CCT4: variants seen among roughly 807,000 people sequenced by gnomAD.
The protein encoded by CCT4 is T-complex protein 1 subunit delta.
In CCT4, 17 loss-of-function variants were observed where a neutral mutation model predicts 62.5. The observed-to-expected ratio is 0.27, with a 90% confidence interval of 0.19 to 0.41. CCT4 has a LOEUF of 0.41. Among genes scored for constraint, CCT4 ranks in the 10% least tolerant of loss-of-function variants. CCT4 has a pLI of 1.00. For missense variants in CCT4, 592 were observed against 659.2 expected (o/e 0.90, Z 1.12); for synonymous variants, 250 against 229.9 (o/e 1.09, Z -0.79).
intron 13 of CCT4, 97 bp downstream of exon 13, chr2:61,869,343 C>A (rs1668837155): frequency 1.4e-6 from 1 of 690,132 alleles, no homozygotes; most frequent in Non-Finnish European, 2.6e-6. Flanking sequence ...CTCAAAAAAA[C>A]CAACCAACCA....
chr2:61,873,014 G>T lies in CCT4; in HGVS notation c.1113C>A (p.Gly371=). Reference sequence around the variant, plus strand: ...GTAATACTGTTACCTTGAGCAGTTTGCCAGAACCATTTAAATTGACCTCCT... The same window carrying T: ...GTAATACTGTTACCTTGAGCAGTTTTCCAGAACCATTTAAATTGACCTCCT... ...LAEEVNLNGS[G]KLLKITGCAS... is the part of the protein sequence containing the mutation. The change falls in exon 10 of 14, where the codon GGC becomes GGA. Residue 371 remains glycine (G), a synonymous_variant. Transcript: ENST00000394440. 6.3e-7 allele frequency: 1 copy of T among 1,594,184 alleles called. No homozygotes were observed. The highest frequency in any genetic ancestry group is 1.1e-5 in the South Asian group (1 of 90,644).
intron 4 of CCT4, among the ~76,000 whole-genome samples, chr2:61,879,816 C>A (rs1669075088): frequency 5.3e-5 from 8 of 151,172 alleles, no homozygotes; most frequent in Admixed American, 4.6e-4. Flanking sequence ...GATCTTGGCT[C>A]ACTGCAACCT....
At position 61,872,260 on chromosome 2, in the gene CCT4, T is replaced by G; in HGVS notation, c.1313A>C (p.Glu438Ala). 2 of 1,613,164 alleles carry G rather than the reference T, an allele frequency of 1.2e-6. No homozygotes were observed. The highest frequency in any genetic ancestry group is 2.2e-5 in the South Asian group (2 of 90,974). Residue 438 changes from glutamate to alanine, a missense_variant, in exon 12 of 14, where the codon GAA (glutamate) becomes GCA (alanine). By Grantham distance (107) the Glu-to-Ala change is moderately radical. Transcript: ENST00000394440. Reference protein sequence around the residue: ...PEIELALRLTEYSRTLSGMES... With the variant: ...PEIELALRLTAYSRTLSGMES... ...CATACCACTCAGTGTTCGTGAATATTCAGTTAATCGTAGGGCCAACTCTAT... is the reference window on the plus strand; with the variant it reads ...CATACCACTCAGTGTTCGTGAATATGCAGTTAATCGTAGGGCCAACTCTAT...
intron 1 of CCT4, among the ~76,000 whole-genome samples, chr2:61,886,326 C>T (rs1029868080): frequency 4.6e-5 from 7 of 152,224 alleles, no homozygotes; most frequent in Middle Eastern, 3.4e-3. Flanking sequence ...GCAGGAGAAC[C>T]GCTTGAACCC....
chr2:61,877,818 T>C (rs1029549690), intron 5 of CCT4, among the ~76,000 whole-genome samples: 1 of 152,218 alleles, frequency 6.6e-6, no homozygotes, highest in Admixed American at 6.5e-5. Flanking sequence ...GTGAGTATTT[T>C]CTATCTAAAA....
At chr2:61,883,664 T>G in intron 2 of CCT4, 116 bp from the exon 3 acceptor site, 2 of 637,474 alleles carry the variant, frequency 3.1e-6, no homozygotes, top group East Asian at 5.8e-5. Flanking sequence ...AATTTTAAAT[T>G]CTCTTCCCTT....
Position 61,887,245 on chromosome 2 carries a change from C to T in CCT4, c.127+1136G>A, listed in dbSNP as rs528838234. Among the ~76,000 whole-genome samples the T allele has an allele frequency of 2.0e-4, 30 of 152,266 alleles. 1 individual carries two copies. In the South Asian group the frequency reaches 5.0e-3, roughly 25 times the overall value. On this transcript the variant is annotated intron_variant, in intron 1 of 13. Coordinates refer to ENST00000394440, the MANE Select transcript of CCT4 (RefSeq NM_006430.4). ...GACAAGTTAGAAACTATTACTTTTT[C>T]TTACATCCAGCGTTACCTATCTTAG...
In CCT4 at chr2:61,877,526, A is replaced by G. The variant is rs1000294081; in HGVS notation, c.523-12T>C. On this transcript the variant is annotated splice_polypyrimidine_tract_variant and intron_variant, in intron 5 of 13. Coordinates refer to ENST00000394440, the MANE Select transcript of CCT4 (RefSeq NM_006430.4). ...TACTGAGAAACCACCTAGAATTATTAAAAAAAAAAAAAAGTTACCTTCACA... is the reference window on the plus strand; with the variant it reads ...TACTGAGAAACCACCTAGAATTATTGAAAAAAAAAAAAAGTTACCTTCACA... The G allele has an allele frequency of 5.0e-6, 1 of 200,892 alleles. No homozygotes were observed. Among genetic ancestry groups the G allele is most frequent in the Non-Finnish European group, 6.6e-6 (1 of 151,804 alleles). 12.4% of individuals were successfully genotyped at this position (200,892 alleles called of 1,614,324 possible). A position where few individuals can be genotyped will look rare whatever the true frequency, so the allele number is the denominator to read the frequency against.
intron 3 of CCT4, among the ~76,000 whole-genome samples, chr2:61,881,936 CTT>C (rs10582574): frequency 8.5e-5 from 12 of 141,744 alleles, no homozygotes; most frequent in Admixed American, 1.4e-4. Context: ...ATAGAAGTTC[CTT>C]TTTTTTTTTT....
chr2:61,869,463 T>C lies in CCT4; in HGVS notation c.1582A>G (p.Ser528Gly). The C allele has an allele frequency of 6.2e-7, 1 of 1,607,620 alleles. No individual in the cohort carries two copies. Residue 528 changes from serine (S) to glycine (G), a missense_variant, in exon 13 of 14, where the codon AGC becomes GGC. Ser to Gly is a moderately conservative substitution (Grantham distance 56). Coordinates refer to ENST00000394440, the MANE Select transcript of CCT4 (RefSeq NM_006430.4). ...ACCACATCATCTATTTTCAGAATGCTCCGAACAGTTTCAGTTGCAAGAGTC... is the reference window on the plus strand; with the variant it reads ...ACCACATCATCTATTTTCAGAATGCCCCGAACAGTTTCAGTTGCAAGAGTC... ...ALTLATETVR[S>G]ILKIDDVVNT...
rs1243611965 is a variant in CCT4, at chr2:61,888,263, G to A, written c.127+118C>T. 15 of 1,252,614 alleles carry A rather than the reference G, an allele frequency of 1.2e-5. No homozygotes were observed. The South Asian group carries it at 1.5e-4, about 13-fold the overall frequency. The allele number at this position is 1,252,614 out of a possible 1,614,324, so 77.6% of individuals were successfully genotyped here. A position where few individuals can be genotyped will look rare whatever the true frequency, so the allele number is the denominator to read the frequency against. ...ATCCCTCCACTGGGCTGCTTCTATAGGGAGGACAAGAGAGGATCACCCGAA... is the reference window on the plus strand; with the variant it reads ...ATCCCTCCACTGGGCTGCTTCTATAAGGAGGACAAGAGAGGATCACCCGAA... On this transcript the variant is annotated intron_variant, in intron 1 of 13. Coordinates refer to ENST00000394440, the MANE Select transcript of CCT4 (RefSeq NM_006430.4).
At chr2:61,876,255 A>G in intron 7 of CCT4, 21 bp from the exon 8 acceptor site, 1 of 1,549,600 alleles carries the variant, frequency 6.5e-7, no homozygotes, top group African/African-American at 1.4e-5. Context: ...AAAGAACATC[A>G]TAATTTGCAT....
intron 8 of CCT4, among the ~76,000 whole-genome samples, chr2:61,874,263 A>T (rs1168827994): frequency 6.6e-6 from 1 of 152,214 alleles, no homozygotes; most frequent in East Asian, 1.9e-4. Context: ...CAAAGACTAT[A>T]TAAAATGAAC....
intron 5 of CCT4, among the ~76,000 whole-genome samples, chr2:61,877,989 A>G (rs1483945727): frequency 6.6e-6 from 1 of 152,174 alleles, no homozygotes; most frequent in Non-Finnish European, 1.5e-5. Context: ...TGAAGCCAAG[A>G]GGTTAAGTCA....
At chr2:61,879,276 T>TTTC (rs1553362382) in intron 4 of CCT4, among the ~76,000 whole-genome samples, 9 of 147,064 alleles carry the variant, frequency 6.1e-5, no homozygotes, top group Non-Finnish European at 1.2e-4. Flanking sequence ...TTTTTTTTTT[T>TTTC]TCTGAGACAG....
intron 8 of CCT4, 111 bp from the exon 9 acceptor site, chr2:61,873,404 A>C: frequency 1.7e-6 from 1 of 602,540 alleles, no homozygotes; most frequent in East Asian, 2.7e-5. Flanking sequence ...ATTATTTCTG[A>C]AGAAAAATGC....
intron 3 of CCT4, among the ~76,000 whole-genome samples, chr2:61,880,616 T>C (rs1669091999): frequency 6.6e-6 from 1 of 152,216 alleles, no homozygotes; most frequent in Admixed American, 6.5e-5. Flanking sequence ...GCCCTGCTAC[T>C]CAAAAGTTCT....
At chr2:61,877,302 T>C in intron 6 of CCT4, 91 bp downstream of exon 6, 4 of 1,275,406 alleles carry the variant, frequency 3.1e-6, no homozygotes, top group Non-Finnish European at 4.4e-6. Flanking sequence ...AAAGAGAGCT[T>C]TGTGACTTTC....
At chr2:61,869,595 T>C in intron 12 of CCT4, 42 bp from the exon 13 acceptor site, 1 of 1,081,674 alleles carries the variant, frequency 9.2e-7, no homozygotes, top group Non-Finnish European at 1.4e-6. Flanking sequence ...GTGTCTGTGA[T>C]AATACACATC....
Sources: allele counts gnomAD v4.1 joint callset (sites outside exome capture counted in the v4.1 genomes callset), GRCh38; gene constraint gnomAD v4.1.1; transcripts MANE v1.5; gene names NCBI Gene and HGNC (gene_info 2026-07-23, HGNC 2026-07-21).